The following GREB1L variants were observed in gnomAD, a reference collection of about 807,000 sequenced individuals.
GREB1L encodes GREB1 like retinoic acid receptor coactivator.
In GREB1L, 17 loss-of-function variants were observed where a neutral mutation model predicts 200.8. That is an observed-to-expected ratio of 0.08 (90% CI 0.06 to 0.13). The LOEUF (loss-of-function observed/expected upper bound fraction) is 0.13, where lower values mean the gene tolerates loss of function less well. Ranked by LOEUF, GREB1L falls within the 10% of genes least tolerant of loss-of-function variation. The pLI, the probability that GREB1L is intolerant of heterozygous loss-of-function variation, is 1.00. For synonymous variants in GREB1L, 789 were observed against 893.0 expected, an observed-to-expected ratio of 0.88 and a Z score of 2.08; for missense variants, 1,657 against 2,367.7, an observed-to-expected ratio of 0.70 and a Z score of 6.23.
chr18:21,295,422 G>A (rs1431656288), intron 1 of GREB1L, among the ~76,000 whole-genome samples: 1 of 152,164 alleles, frequency 6.6e-6, no homozygotes, highest in Non-Finnish European at 1.5e-5. Context: ...TAGTGAAGAG[G>A]AACTGGATAT....
intron 2 of GREB1L, among the ~76,000 whole-genome samples, chr18:21,374,554 C>T (rs2039997263): frequency 6.6e-6 from 1 of 152,170 alleles, no homozygotes; most frequent in African/African-American, 2.4e-5. Flanking sequence ...TGAGTTATTA[C>T]TTAGAATATG....
At chr18:21,255,484 C>A (rs889544142) in intron 1 of GREB1L, among the ~76,000 whole-genome samples, 2 of 152,176 alleles carry the variant, frequency 1.3e-5, no homozygotes, top group African/African-American at 4.8e-5. Context: ...CTATTATTTA[C>A]ACAGTGTTTG....
chr18:21,493,996 A>G (rs2036448115), intron 19 of GREB1L, among the ~76,000 whole-genome samples: 1 of 151,962 alleles, frequency 6.6e-6, no homozygotes, highest in Non-Finnish European at 1.5e-5. Flanking sequence ...GGGAGATAAA[A>G]CACATTCAGG....
chr18:21,333,886 G>GT (rs755512290), intron 1 of GREB1L, among the ~76,000 whole-genome samples: 2 of 151,904 alleles, frequency 1.3e-5, no homozygotes, highest in African/African-American at 2.4e-5. Flanking sequence ...GGAGACTAAG[G>GT]TGGGAGGATT....
intron 1 of GREB1L, chr18:21,317,677 A>G (rs1035321226): frequency 6.6e-6 from 1 of 152,240 alleles, no homozygotes; most frequent in Non-Finnish European, 1.5e-5. Context: ...ACTAAGAAGT[A>G]TGATCTGCTG....
At chr18:21,500,674 G>A (rs891544431) in intron 23 of GREB1L, 32 bp downstream of exon 23, 2 of 1,417,450 alleles carry the variant, frequency 1.4e-6, no homozygotes, top group Non-Finnish European at 1.9e-6. Context: ...TGGGCAGAGG[G>A]GCAAGAGACA....
intron 15 of GREB1L, chr18:21,454,832 C>A: frequency 2.2e-6 from 1 of 449,816 alleles, no homozygotes; most frequent in Non-Finnish European, 4.1e-6. Flanking sequence ...AGAATCTGGT[C>A]ATTTATGGAT....
At chr18:21,385,143 C>T (rs2040486438) in intron 4 of GREB1L, among the ~76,000 whole-genome samples, 1 of 152,112 alleles carries the variant, frequency 6.6e-6, no homozygotes, top group Non-Finnish European at 1.5e-5. Context: ...ATGAATAATA[C>T]TTTGTCCCGA....
intron 1 of GREB1L, among the ~76,000 whole-genome samples, chr18:21,279,567 C>G (rs1368502203): frequency 6.6e-6 from 1 of 152,116 alleles, no homozygotes; most frequent in East Asian, 1.9e-4. Flanking sequence ...TTTAATTCCC[C>G]CGGAATGTAA....
At chr18:21,295,562 T>G (rs2038513787) in intron 1 of GREB1L, among the ~76,000 whole-genome samples, 1 of 152,210 alleles carries the variant, frequency 6.6e-6, no homozygotes, top group South Asian at 2.1e-4. Flanking sequence ...TGTTATTTGC[T>G]GAATTTCCCT....
intron 7 of GREB1L, 67 bp from the exon 8 acceptor site, chr18:21,439,454 C>A: frequency 1.1e-6 from 1 of 917,026 alleles, no homozygotes; most frequent in Non-Finnish European, 1.8e-6. Flanking sequence ...CAGATGGTTC[C>A]AGCATCCCAG....
At chr18:21,405,159 G>A (rs2030029234) in intron 7 of GREB1L, among the ~76,000 whole-genome samples, 1 of 152,150 alleles carries the variant, frequency 6.6e-6, no homozygotes, top group Admixed American at 6.5e-5. Context: ...TTAGATAGAG[G>A]CTCTGATCTA....
intron 19 of GREB1L, among the ~76,000 whole-genome samples, chr18:21,492,672 C>T (rs748061008): frequency 6.6e-6 from 1 of 152,216 alleles, no homozygotes; most frequent in Non-Finnish European, 1.5e-5. Flanking sequence ...CTTTCAGAGG[C>T]ACATTAGTTG....
At chr18:21,408,413 A>G (rs1365658383) in intron 7 of GREB1L, among the ~76,000 whole-genome samples, 1 of 152,234 alleles carries the variant, frequency 6.6e-6, no homozygotes, top group African/African-American at 2.4e-5. Flanking sequence ...AGGATTTGGA[A>G]TAGACATTTC....
At chr18:21,254,091 A>G (rs1321135894) in intron 1 of GREB1L, among the ~76,000 whole-genome samples, 1 of 81,076 alleles carries the variant, frequency 1.2e-5, no homozygotes. Flanking sequence ...TTTTTTTGCT[A>G]GAGAGTCTCG....
At chr18:21,344,712 G>C (rs1271745095) in intron 1 of GREB1L, among the ~76,000 whole-genome samples, 1 of 152,144 alleles carries the variant, frequency 6.6e-6, no homozygotes, top group African/African-American at 2.4e-5. Flanking sequence ...CAACTTCGTA[G>C]GCCAGGTGTT....
At chr18:21,482,832 G>A (rs377586517) in intron 17 of GREB1L, among the ~76,000 whole-genome samples, 3 of 152,090 alleles carry the variant, frequency 2.0e-5, no homozygotes, top group South Asian at 4.2e-4. Context: ...CTTCCACAGC[G>A]GGGAGTTTGC....
chr18:21,395,721 T>C (rs2144374255), intron 5 of GREB1L, among the ~76,000 whole-genome samples, 160 bp downstream of exon 5: 1 of 149,684 alleles, frequency 6.7e-6, no homozygotes, highest in South Asian at 2.1e-4. Flanking sequence ...AGTAACTTCT[T>C]TTTTTTTTTT....
intron 4 of GREB1L, among the ~76,000 whole-genome samples, chr18:21,394,581 T>TTGTCA (rs968718266): frequency 6.6e-6 from 1 of 152,192 alleles, no homozygotes; most frequent in African/African-American, 2.4e-5. Context: ...TTGTCACATC[T>TTGTCA]TGTCATGTCA....
Sources: allele counts gnomAD v4.1 joint callset (sites outside exome capture counted in the v4.1 genomes callset), GRCh38; gene constraint gnomAD v4.1.1; transcripts MANE v1.5; gene names NCBI Gene and HGNC (gene_info 2026-07-23, HGNC 2026-07-21).